Variants in CC2D2A observed in about 807,000 individuals in gnomAD.
CC2D2A encodes coiled-coil and C2 domain containing 2A, also known as coiled-coil and C2 domain-containing protein 2A.
In CC2D2A, 155 loss-of-function variants were observed where a neutral mutation model predicts 212.9. The ratio of observed to expected loss-of-function variants is 0.73; its 90% confidence interval spans 0.64 to 0.83. CC2D2A has a LOEUF of 0.83. Among genes scored for constraint, CC2D2A ranks in the 40% least tolerant of loss-of-function variants. The probability of loss-of-function intolerance (pLI) is 0.00; values close to 1 mark genes in which losing one functional copy is unlikely to be tolerated. For synonymous variants in CC2D2A, 667 were observed against 686.5 expected (o/e 0.97, Z 0.44); for missense variants, 1,856 against 1,956.2 (o/e 0.95, Z 0.97).
chr4:15,481,059 C>T, intron 4 of CC2D2A: 1 of 490,378 alleles, frequency 2.0e-6, no homozygotes, highest in Non-Finnish European at 3.8e-6. Context: ...GATGTTTGTC[C>T]CCTCCAAATC....
chr4:15,540,288 G>A (rs1038116350), intron 16 of CC2D2A, among the ~76,000 whole-genome samples: 1 of 142,442 alleles, frequency 7.0e-6, no homozygotes, highest in Non-Finnish European at 1.5e-5. Flanking sequence ...ATGGGAGGTT[G>A]TTTTTTTTTT....
chr4:15,501,846 TG>T (rs1715970569), intron 4 of CC2D2A, among the ~76,000 whole-genome samples: 1 of 152,204 alleles, frequency 6.6e-6, no homozygotes, highest in South Asian at 2.1e-4. Flanking sequence ...TCACAGAACC[TG>T]GCACACAATA....
At chr4:15,527,413 CTG>C in intron 11 of CC2D2A, 32 bp from the exon 12 acceptor site, 2 of 1,522,098 alleles carry the variant, frequency 1.3e-6, no homozygotes, top group African/African-American at 1.4e-5. Context: ...AGTGCTTTAA[CTG>C]TGTTCTGTCT....
chr4:15,563,318 T>C, intron 23 of CC2D2A, 37 bp from the exon 24 acceptor site: 1 of 1,543,088 alleles, frequency 6.5e-7, no homozygotes, highest in Non-Finnish European at 8.8e-7. Flanking sequence ...AGACCTTTCT[T>C]TTTCTTAGAG....
Position 15,533,285 on chromosome 4 carries a change from G to T in CC2D2A, c.1559G>T (p.Arg520Leu). 6.3e-7 allele frequency: 1 copy of T among 1,591,840 alleles called. No homozygotes were observed. Among genetic ancestry groups the T allele is most frequent in the South Asian group, 1.2e-5 (1 of 86,322 alleles). Residue 520 changes from arginine (R) to leucine (L), a missense_variant, in exon 14 of 37, where the codon CGA becomes CTA. By Grantham distance (102) the Arg-to-Leu change is moderately radical (BLOSUM62 -2). Coordinates refer to ENST00000424120, the MANE Select transcript of CC2D2A (RefSeq NM_001378615.1). Reference protein sequence around the residue: ...IKVWKEMKSLREFQRFTNTPL... With the variant: ...IKVWKEMKSLLEFQRFTNTPL... ...GTTTGGAAAGAGATGAAATCCCTTC[G>T]AGAGTTCCAGAGATTTACAAATACT...
At chr4:15,540,594 C>T (rs1211912059) in intron 16 of CC2D2A, among the ~76,000 whole-genome samples, 1 of 152,160 alleles carries the variant, frequency 6.6e-6, no homozygotes, top group African/African-American at 2.4e-5. Flanking sequence ...GAGACTGTAG[C>T]ACAACAATGA....
rs898728222 is a variant in CC2D2A, at chr4:15,483,416, C to T, written c.247+2589C>T. On this transcript the variant is annotated intron_variant, in intron 4 of 36. Coordinates refer to ENST00000424120, the MANE Select transcript of CC2D2A (RefSeq NM_001378615.1). ...TAGAAAACACGGAGAGGGTCAAGAG[C>T]AAGATAGAAGCAGCCATGTGCTTTA... Among the ~76,000 whole-genome samples, 3 of 152,088 alleles carry T rather than the reference C, an allele frequency of 2.0e-5. No homozygotes were observed. In the East Asian group the frequency reaches 5.8e-4, roughly 29 times the overall value.
chr4:15,519,468 T>C (rs1209143758), intron 11 of CC2D2A: 1 of 443,388 alleles, frequency 2.3e-6, no homozygotes, highest in Non-Finnish European at 4.5e-6. Context: ...TGTTACCAGT[T>C]CCAAAGTTGC....
intron 4 of CC2D2A, among the ~76,000 whole-genome samples, chr4:15,496,461 C>A (rs928093280): frequency 6.6e-6 from 1 of 152,050 alleles, no homozygotes; most frequent in African/African-American, 2.4e-5. Flanking sequence ...ATCCTAGCAC[C>A]TTTTATTGAA....
At chr4:15,482,555 CTCTTA>C (rs1315297155) in intron 4 of CC2D2A, among the ~76,000 whole-genome samples, 1 of 152,072 alleles carries the variant, frequency 6.6e-6, no homozygotes, top group African/African-American at 2.4e-5. Context: ...CTACTGTCTC[CTCTTA>C]TAAGGACACT....
At chr4:15,491,946 AT>A (rs796786260) in intron 4 of CC2D2A, among the ~76,000 whole-genome samples, 10 of 152,200 alleles carry the variant, frequency 6.6e-5, no homozygotes, top group African/African-American at 2.4e-4. Flanking sequence ...GTATCTAAAA[AT>A]TAATTGCCCA....
At chr4:15,560,684 T>C in intron 23 of CC2D2A, 62 bp downstream of exon 23, 2 of 712,232 alleles carry the variant, frequency 2.8e-6, no homozygotes, top group Middle Eastern at 8.0e-4. Context: ...TACTCTATTA[T>C]ATGAAAGGTA....
intron 17 of CC2D2A, chr4:15,543,941 T>C (rs1478280974): frequency 1.3e-5 from 2 of 152,210 alleles, no homozygotes; most frequent in Non-Finnish European, 2.9e-5. Flanking sequence ...AATGATAAAG[T>C]CTATTATACT....
At chr4:15,494,759 A>G (rs1466973190) in intron 4 of CC2D2A, among the ~76,000 whole-genome samples, 1 of 152,156 alleles carries the variant, frequency 6.6e-6, no homozygotes, top group East Asian at 1.9e-4. Context: ...CTGTCCACTA[A>G]TTACATTTTT....
intron 27 of CC2D2A, among the ~76,000 whole-genome samples, chr4:15,569,869 C>A (rs1273135898): frequency 6.6e-6 from 1 of 152,162 alleles, no homozygotes; most frequent in Non-Finnish European, 1.5e-5. Context: ...TCAGTCTGTT[C>A]CCTTAACTGT....
At position 15,555,091 on chromosome 4, in the gene CC2D2A, G is replaced by A. The variant is rs1348227304; in HGVS notation, c.2506G>A (p.Ala836Thr). The change falls in exon 20 of 37, where the codon GCC (alanine) becomes ACC (threonine). Residue 836 changes from alanine to threonine, a missense_variant. Around this residue, in one of 5 missense-constraint regions of CC2D2A, gnomAD observed 1,512 missense variants for 1,579.3 expected, o/e 0.96. Coordinates refer to ENST00000424120, the MANE Select transcript of CC2D2A (RefSeq NM_001378615.1). The stretch of plus-strand genomic sequence containing the variant: ...TTTCAGTGCTTTGAAGAAAGCAGAT[G>A]CCATCTCATCTATTGGCACATCAGG... ...GFRSALKKADAISSIGTSGLT... is the reference protein window; with the variant it reads ...GFRSALKKADTISSIGTSGLT... The A allele has an allele frequency of 8.1e-6, 13 of 1,612,644 alleles. No homozygotes were observed. The highest frequency in any genetic ancestry group is 1.0e-5 in the Non-Finnish European group (12 of 1,179,302).
At chr4:15,486,727 T>C (rs769417882) in intron 4 of CC2D2A, among the ~76,000 whole-genome samples, 9 of 152,008 alleles carry the variant, frequency 5.9e-5, no homozygotes, top group Admixed American at 2.0e-4. Flanking sequence ...TTTCTGTTTC[T>C]TTAAGATGCA....
chr4:15,579,737 A>G (rs1325798134), intron 29 of CC2D2A, among the ~76,000 whole-genome samples: 1 of 152,234 alleles, frequency 6.6e-6, no homozygotes, highest in Non-Finnish European at 1.5e-5. Context: ...CTTACCTGCT[A>G]CTTTATTTCA....
At chr4:15,580,285 A>G in intron 30 of CC2D2A, 114 bp downstream of exon 30, 1 of 771,222 alleles carries the variant, frequency 1.3e-6, no homozygotes, top group South Asian at 1.9e-5. Flanking sequence ...TATCGAGATC[A>G]TTAATGACAA....
Sources: allele counts gnomAD v4.1 joint callset (sites outside exome capture counted in the v4.1 genomes callset), GRCh38; gene constraint gnomAD v4.1.1; regional missense constraint gnomAD v4.1.1; transcripts MANE v1.5; gene names NCBI Gene and HGNC (gene_info 2026-07-23, HGNC 2026-07-21).